Variants in VEGFC observed in about 807,000 individuals in gnomAD.
VEGFC encodes the protein FLT4 ligand DHM.
Under a neutral mutation model 46.1 loss-of-function variants are expected in VEGFC, and 12 were observed. That is an observed-to-expected ratio of 0.26 (90% CI 0.17 to 0.42). The LOEUF (loss-of-function observed/expected upper bound fraction) is 0.42, where lower values mean the gene tolerates loss of function less well. Among genes scored for constraint, VEGFC ranks in the 10% least tolerant of loss-of-function variants. VEGFC has a pLI of 1.00. For missense variants in VEGFC, 488 were observed against 529.4 expected (o/e 0.92, Z 0.77); for synonymous variants, 232 against 195.5 (o/e 1.19, Z -1.56).
At chr4:176,752,808 C>T (rs191732799) in intron 1 of VEGFC, among the ~76,000 whole-genome samples, 7 of 151,934 alleles carry the variant, frequency 4.6e-5, no homozygotes, top group African/African-American at 1.7e-4. Flanking sequence ...AGAGCCTAGA[C>T]TTCCAAGACC....
At chr4:176,728,138 A>G (rs1398428155) in intron 2 of VEGFC, among the ~76,000 whole-genome samples, 170 bp from the exon 3 acceptor site, 1 of 152,234 alleles carries the variant, frequency 6.6e-6, no homozygotes, top group Non-Finnish European at 1.5e-5. Context: ...TGAGAATGAT[A>G]TAACATTGAA....
At chr4:176,748,032 C>A (rs963048443) in intron 1 of VEGFC, among the ~76,000 whole-genome samples, 1 of 151,780 alleles carries the variant, frequency 6.6e-6, no homozygotes, top group Non-Finnish European at 1.5e-5. Flanking sequence ...TTAGCAAGGG[C>A]TTTTAAAATA....
chr4:176,773,026 T>C (rs1335678357), intron 1 of VEGFC, among the ~76,000 whole-genome samples: 1 of 152,222 alleles, frequency 6.6e-6, no homozygotes, highest in African/African-American at 2.4e-5. Flanking sequence ...ATTTTCTTTA[T>C]CGGCTTCTCT....
At chr4:176,743,000 C>T (rs989576090) in intron 1 of VEGFC, among the ~76,000 whole-genome samples, 1 of 151,932 alleles carries the variant, frequency 6.6e-6, no homozygotes, top group Non-Finnish European at 1.5e-5. Context: ...ACTACAGAAG[C>T]GAGCCCAAGT....
At chr4:176,685,066 G>A (rs1054771651) in intron 6 of VEGFC, among the ~76,000 whole-genome samples, 4 of 152,160 alleles carry the variant, frequency 2.6e-5, no homozygotes, top group Admixed American at 1.3e-4. Flanking sequence ...TGGAGTATGA[G>A]CATGCCTAAT....
At chr4:176,693,114 A>T (rs958755369) in intron 4 of VEGFC, among the ~76,000 whole-genome samples, 1 of 152,194 alleles carries the variant, frequency 6.6e-6, no homozygotes, top group Non-Finnish European at 1.5e-5. Context: ...GCAATGGAAC[A>T]AAGCTGGATG....
At chr4:176,740,805 T>A (rs954706193) in intron 1 of VEGFC, among the ~76,000 whole-genome samples, 2 of 151,740 alleles carry the variant, frequency 1.3e-5, no homozygotes, top group Non-Finnish European at 1.5e-5. Context: ...GAAGTTCAGG[T>A]GATTTTTGTT....
intron 4 of VEGFC, among the ~76,000 whole-genome samples, chr4:176,694,595 G>C (rs62328270): frequency 1.3e-4 from 20 of 151,418 alleles, no homozygotes; most frequent in Non-Finnish European, 2.4e-4. Context: ...ACAAGGATAC[G>C]CAGGAATTGA....
intron 3 of VEGFC, 31 bp from the exon 4 acceptor site, chr4:176,711,681 T>A (rs755358775): frequency 4.4e-6 from 7 of 1,608,918 alleles, no homozygotes; most frequent in South Asian, 3.3e-5. Context: ...GAAGAAAAAA[T>A]TATATAGATG....
chr4:176,751,718 G>A (rs1030732971), intron 1 of VEGFC, among the ~76,000 whole-genome samples: 8 of 151,868 alleles, frequency 5.3e-5, no homozygotes, highest in African/African-American at 1.9e-4. Context: ...ATAGATCAAT[G>A]ATATGTGTAA....
chr4:176,745,228 GT>G (rs1336190467), intron 1 of VEGFC, among the ~76,000 whole-genome samples: 1 of 151,968 alleles, frequency 6.6e-6, no homozygotes, highest in East Asian at 1.9e-4. Context: ...ATATCTACTG[GT>G]GCTACCATCA....
intron 4 of VEGFC, among the ~76,000 whole-genome samples, chr4:176,698,447 T>C (rs2110982570): frequency 6.6e-6 from 1 of 152,224 alleles, no homozygotes; most frequent in East Asian, 1.9e-4. Context: ...CATGCATTTT[T>C]CCAGCTTTAT....
At chr4:176,771,032 T>C (rs186972182) in intron 1 of VEGFC, among the ~76,000 whole-genome samples, 3 of 151,350 alleles carry the variant, frequency 2.0e-5, no homozygotes, top group Admixed American at 2.0e-4. Context: ...CAAGGACATT[T>C]ACTTAATTTT....
At chr4:176,778,442 T>C (rs1182056499) in intron 1 of VEGFC, among the ~76,000 whole-genome samples, 1 of 151,864 alleles carries the variant, frequency 6.6e-6, no homozygotes, top group Non-Finnish European at 1.5e-5. Flanking sequence ...AGAATGCTAG[T>C]AGAGGGCAAG....
At chr4:176,692,532 C>T (rs1446139817) in intron 4 of VEGFC, among the ~76,000 whole-genome samples, 2 of 134,328 alleles carry the variant, frequency 1.5e-5, no homozygotes, top group African/African-American at 3.6e-5. Context: ...AACTGCAAGG[C>T]GGCAATGAGG....
chr4:176,789,705 C>G (rs181506576), intron 1 of VEGFC, among the ~76,000 whole-genome samples: 14 of 152,242 alleles, frequency 9.2e-5, no homozygotes, highest in Non-Finnish European at 1.5e-5. Context: ...AGTCATGCAA[C>G]CACAAATAAC....
intron 1 of VEGFC, among the ~76,000 whole-genome samples, chr4:176,781,612 C>T (rs1320365653): frequency 6.6e-6 from 1 of 152,194 alleles, no homozygotes; most frequent in Non-Finnish European, 1.5e-5. Context: ...TTCATGGCAG[C>T]TGTGTGGTCA....
intron 4 of VEGFC, among the ~76,000 whole-genome samples, chr4:176,696,396 A>G (rs1303745003): frequency 2.0e-5 from 3 of 148,644 alleles, no homozygotes; most frequent in East Asian, 2.0e-4. Flanking sequence ...TGCTTCAAAG[A>G]GAATAAAATA....
At chr4:176,688,851 C>T (rs758626564) in intron 4 of VEGFC, among the ~76,000 whole-genome samples, 3 of 152,176 alleles carry the variant, frequency 2.0e-5, no homozygotes, top group Non-Finnish European at 2.9e-5. Flanking sequence ...TCAGCCATTT[C>T]TTCAGGAGCC....
Sources: gnomAD v4.1 joint callset for allele counts (sites outside exome capture counted in the v4.1 genomes callset) on GRCh38, gnomAD v4.1.1 for gene constraint, MANE v1.5 for transcripts, NCBI Gene and HGNC (gene_info 2026-07-23, HGNC 2026-07-21) for gene names.